LSAMP: variants seen among roughly 807,000 people sequenced by gnomAD.
LSAMP encodes the protein limbic system associated membrane protein, also known as limbic system-associated membrane protein.
LSAMP carries 7 observed loss-of-function variants against 38.6 expected under a neutral mutation model. The observed-to-expected ratio is 0.18, with a 90% CI of 0.10 to 0.34. LSAMP has a LOEUF of 0.34. Among genes scored for constraint, LSAMP ranks in the 10% least tolerant of loss-of-function variants. LSAMP has a pLI of 1.00. For synonymous variants in LSAMP, 154 were observed against 166.8 expected (o/e 0.92, Z 0.59); for missense variants, 313 against 420.0 (o/e 0.75, Z 2.23).
intron 1 of LSAMP, among the ~76,000 whole-genome samples, chr3:116,439,219 A>T (rs2049396870): frequency 6.6e-6 from 1 of 152,076 alleles, no homozygotes; most frequent in Admixed American, 6.6e-5. Flanking sequence ...TATCGAATGC[A>T]GTGCTTCTCC....
rs565721680 is a variant in LSAMP at position 116,383,689 on chromosome 3, A to G, written c.155+61188T>C. On this transcript the variant is annotated intron_variant, in intron 1 of 6. Transcript: ENST00000490035. ...TATGTAAGTACATGTTTAAAAGTTT[A>G]TAGAAAATGACACACAGGATCTCCA... Among the ~76,000 whole-genome samples, 4 of 152,302 alleles carry G rather than the reference A, an allele frequency of 2.6e-5. No individual in the cohort carries two copies. The South Asian group carries it at 8.3e-4, about 32-fold the overall frequency.
intron 1 of LSAMP, among the ~76,000 whole-genome samples, chr3:116,396,401 C>G (rs2048768019): frequency 6.6e-6 from 1 of 152,170 alleles, no homozygotes; most frequent in African/African-American, 2.4e-5. Context: ...TGCTTCAAGT[C>G]CATTTCAAAC....
chr3:116,244,265 A>G (rs2046576115), intron 1 of LSAMP, among the ~76,000 whole-genome samples: 1 of 152,104 alleles, frequency 6.6e-6, no homozygotes, highest in African/African-American at 2.4e-5. Context: ...TTTCTTTGAA[A>G]TGTTCTACTT....
chr3:116,155,191 C>T (rs1709716556), intron 1 of LSAMP, among the ~76,000 whole-genome samples: 1 of 151,878 alleles, frequency 6.6e-6, no homozygotes, highest in Admixed American at 6.6e-5. Context: ...TGGACTCTCT[C>T]ATGAGGGCAG....
intron 1 of LSAMP, among the ~76,000 whole-genome samples, chr3:116,275,337 G>A (rs1384168097): frequency 1.3e-5 from 2 of 152,032 alleles, no homozygotes; most frequent in Non-Finnish European, 2.9e-5. Flanking sequence ...ACAAGCTTGA[G>A]CCACCACACC....
intron 1 of LSAMP, among the ~76,000 whole-genome samples, chr3:116,229,322 G>A (rs2046375537): frequency 1.3e-5 from 2 of 152,082 alleles, no homozygotes; most frequent in Non-Finnish European, 2.9e-5. Context: ...TCTAAACCAT[G>A]AAGCTAAAAT....
chr3:116,223,200 AT>A (rs2046308193), intron 1 of LSAMP, among the ~76,000 whole-genome samples: 1 of 152,180 alleles, frequency 6.6e-6, no homozygotes, highest in Admixed American at 6.5e-5. Context: ...TACAGATATA[AT>A]TTGGTGACAT....
At chr3:116,165,527 T>C (rs2107545512) in intron 1 of LSAMP, among the ~76,000 whole-genome samples, 1 of 152,144 alleles carries the variant, frequency 6.6e-6, no homozygotes, top group Non-Finnish European at 1.5e-5. Flanking sequence ...TAGCTATAGA[T>C]AGGCAGATGT....
rs144435527 is a variant in LSAMP at position 115,877,898 on chromosome 3, A to G, written c.515-25281T>C. 8.5e-5 allele frequency among the ~76,000 whole-genome samples: 13 copies of G among 152,238 alleles called. 1 individual carries two copies. The East Asian group carries it at 2.5e-3, about 29-fold the overall frequency. On this transcript the variant is annotated intron_variant, in intron 3 of 6. Coordinates refer to ENST00000490035, the MANE Select transcript of LSAMP (RefSeq NM_002338.5). Reference sequence around the variant, plus strand: ...CCCATCCTTAGGTAGATCACAGGCTACTGAAGAGACAGCTAAGCAAGCAAA... The same window carrying G: ...CCCATCCTTAGGTAGATCACAGGCTGCTGAAGAGACAGCTAAGCAAGCAAA...
At chr3:116,201,278 A>T (rs974133090) in intron 1 of LSAMP, among the ~76,000 whole-genome samples, 3 of 152,208 alleles carry the variant, frequency 2.0e-5, no homozygotes, top group Non-Finnish European at 4.4e-5. Context: ...CTCAGGCAGC[A>T]TCAGCCAGTA....
intron 3 of LSAMP, among the ~76,000 whole-genome samples, chr3:115,925,978 T>G (rs1937488858): frequency 6.6e-6 from 1 of 151,916 alleles, no homozygotes; most frequent in Non-Finnish European, 1.5e-5. Flanking sequence ...TGAAGAACAT[T>G]AATGATGATT....
chr3:115,867,633 G>A (rs1935899051), intron 3 of LSAMP, among the ~76,000 whole-genome samples: 1 of 152,052 alleles, frequency 6.6e-6, no homozygotes, highest in African/African-American at 2.4e-5. Context: ...AAGAAATCAA[G>A]CCAGCCAAAC....
intron 1 of LSAMP, among the ~76,000 whole-genome samples, chr3:116,209,820 C>T (rs1352639532): frequency 6.6e-6 from 1 of 152,104 alleles, no homozygotes; most frequent in African/African-American, 2.4e-5. Context: ...GGCACGATCT[C>T]CGCTCACTGC....
chr3:116,300,608 G>A (rs1212806599), intron 1 of LSAMP, among the ~76,000 whole-genome samples: 5 of 152,138 alleles, frequency 3.3e-5, no homozygotes, highest in African/African-American at 4.8e-5. Context: ...TGTGAACTGC[G>A]CATATGAAGG....
intron 1 of LSAMP, among the ~76,000 whole-genome samples, chr3:116,338,319 T>G (rs2047949314): frequency 6.6e-6 from 1 of 151,902 alleles, no homozygotes; most frequent in Admixed American, 6.6e-5. Context: ...GCAGGACAAT[T>G]TCCTTAGTGA....
At chr3:115,903,499 C>CA (rs962166384) in intron 3 of LSAMP, among the ~76,000 whole-genome samples, 7 of 151,284 alleles carry the variant, frequency 4.6e-5, no homozygotes, top group East Asian at 1.9e-4. Flanking sequence ...ATAAAAGTTT[C>CA]AAAAAAAAGG....
At chr3:116,088,535 G>A (rs962224149) in intron 1 of LSAMP, among the ~76,000 whole-genome samples, 6 of 151,972 alleles carry the variant, frequency 3.9e-5, no homozygotes, top group African/African-American at 1.5e-4. Flanking sequence ...AGGATGTTTG[G>A]TGTCTTACTC....
intron 1 of LSAMP, among the ~76,000 whole-genome samples, chr3:116,325,854 G>GTC (rs901553483): frequency 1.3e-5 from 2 of 152,104 alleles, no homozygotes; most frequent in African/African-American, 4.8e-5. Flanking sequence ...ATGATGAAGA[G>GTC]TCTCTGCTTT....
intron 1 of LSAMP, among the ~76,000 whole-genome samples, chr3:116,261,482 A>G (rs906911408): frequency 1.3e-5 from 2 of 152,214 alleles, no homozygotes; most frequent in Non-Finnish European, 2.9e-5. Context: ...GAAAGCTGTC[A>G]TCTGATGCTC....
Sources: gnomAD v4.1 joint callset for allele counts (sites outside exome capture counted in the v4.1 genomes callset) on GRCh38, gnomAD v4.1.1 for gene constraint, MANE v1.5 for transcripts, NCBI Gene and HGNC (gene_info 2026-07-23, HGNC 2026-07-21) for gene names.